Variants in PMFBP1 observed in about 807,000 individuals in gnomAD.
The protein encoded by PMFBP1 is polyamine-modulated factor 1-binding protein 1.
Under a neutral mutation model 137.8 loss-of-function variants are expected in PMFBP1, and 131 were observed. That is an observed-to-expected ratio of 0.95 (90% CI 0.82 to 1.10). The LOEUF is 1.10. Ranked by LOEUF, PMFBP1 falls within the 50% of genes least tolerant of loss-of-function variation. The pLI is 0.00. For missense variants in PMFBP1, 1,199 were observed against 1,175.4 expected (o/e 1.02, Z -0.29); for synonymous variants, 490 against 450.4 (o/e 1.09, Z -1.11).
At chr16:72,205,978 G>A in the PMFBP1 span, among the ~76,000 whole-genome samples, 1 of 152,116 alleles carries the variant, frequency 6.6e-6, no homozygotes, top group Non-Finnish European at 1.5e-5. Context: ...CACAGAGCCA[G>A]AAAGAAACCT....
the PMFBP1 span, among the ~76,000 whole-genome samples, chr16:72,239,567 G>A: frequency 6.6e-6 from 1 of 152,020 alleles, no homozygotes; most frequent in Non-Finnish European, 1.5e-5. Flanking sequence ...AATCATGTCT[G>A]GTTTATCATT....
In PMFBP1 at chr16:72,164,640, C is replaced by A. The variant is rs929101543; in HGVS notation, c.165+124G>T. Reference sequence around the variant, plus strand: ...GTGTGTTTAATTCTCTTAATTCTCTCTCATTGCTTGCTTAATAAGTACTCC... The same window carrying A: ...GTGTGTTTAATTCTCTTAATTCTCTATCATTGCTTGCTTAATAAGTACTCC... On this transcript the variant is annotated intron_variant, in intron 3 of 20. Transcript: ENST00000237353. 5.3e-6 allele frequency: 7 copies of A among 1,324,956 alleles called. No individual in the cohort carries two copies. The African/African-American group carries it at 1.0e-4, about 19-fold the overall frequency. 82.1% of individuals were successfully genotyped at this position (1,324,956 alleles called of 1,614,324 possible).
At chr16:72,230,465 T>C in the PMFBP1 span, among the ~76,000 whole-genome samples, 1 of 152,188 alleles carries the variant, frequency 6.6e-6, no homozygotes, top group Non-Finnish European at 1.5e-5. Context: ...AGCCCAGAAC[T>C]TTCTCCTGAG....
the PMFBP1 span, among the ~76,000 whole-genome samples, chr16:72,196,425 C>T: frequency 1.3e-5 from 2 of 152,122 alleles, no homozygotes; most frequent in Non-Finnish European, 2.9e-5. Flanking sequence ...TTGACGCTGC[C>T]TCCCCCAACC....
the PMFBP1 span, among the ~76,000 whole-genome samples, chr16:72,192,301 T>TC: frequency 6.6e-6 from 1 of 152,180 alleles, no homozygotes; most frequent in South Asian, 2.1e-4. Context: ...ACACATTTCC[T>TC]CAGGTATTTT....
the PMFBP1 span, among the ~76,000 whole-genome samples, chr16:72,214,456 TGAGCCACTGCGTG>T: frequency 1.3e-5 from 2 of 152,154 alleles, no homozygotes; most frequent in African/African-American, 2.4e-5. Context: ...ATTACAGGCG[TGAGCCACTGCGTG>T]GAGCCACTGC....
the PMFBP1 span, among the ~76,000 whole-genome samples, chr16:72,206,998 A>G: frequency 2.6e-5 from 4 of 152,200 alleles, no homozygotes; most frequent in African/African-American, 7.2e-5. Flanking sequence ...TGTGGCTCCA[A>G]TGGCCTGGAG....
At chr16:72,215,944 T>C in the PMFBP1 span, among the ~76,000 whole-genome samples, 19 of 152,252 alleles carry the variant, frequency 1.2e-4, no homozygotes, top group Non-Finnish European at 1.8e-4. Context: ...ATATAGATGC[T>C]ACTGTTCACC....
the PMFBP1 span, among the ~76,000 whole-genome samples, chr16:72,243,955 G>A: frequency 1.2e-4 from 18 of 152,102 alleles, no homozygotes; most frequent in African/African-American, 3.6e-4. Context: ...CTTCGACTTC[G>A]TTAACAAACA....
intron 7 of PMFBP1, among the ~76,000 whole-genome samples, chr16:72,137,526 G>A (rs1000792398): frequency 6.6e-6 from 1 of 152,192 alleles, no homozygotes; most frequent in Admixed American, 6.5e-5. Context: ...TCCCAGCTGA[G>A]ACTTGCTGGA....
chr16:72,143,700 C>T (rs1048406906), intron 5 of PMFBP1, among the ~76,000 whole-genome samples: 13 of 148,376 alleles, frequency 8.8e-5, no homozygotes, highest in Non-Finnish European at 7.5e-5. Context: ...CAGAGATTGC[C>T]TCACTGCACT....
the PMFBP1 span, among the ~76,000 whole-genome samples, chr16:72,240,912 T>TGA: frequency 0.031 from 4,591 of 148,448 alleles, 225 homozygotes; most frequent in African/African-American, 0.11. Flanking sequence ...GGTGTGTGTG[T>TGA]GAGAGAGAGA....
the PMFBP1 span, chr16:72,224,637 T>A: frequency 6.6e-6 from 1 of 152,650 alleles, no homozygotes; most frequent in Non-Finnish European, 1.5e-5. Context: ...AATTTTAACC[T>A]CTTCTTCAAA....
the PMFBP1 span, among the ~76,000 whole-genome samples, chr16:72,182,645 T>G: frequency 1.3e-5 from 2 of 152,128 alleles, no homozygotes; most frequent in African/African-American, 2.4e-5. Flanking sequence ...CAGTATGCAT[T>G]GGGTGAAGCA....
chr16:72,170,504 A>T (rs1406226144), intron 2 of PMFBP1, among the ~76,000 whole-genome samples: 1 of 152,140 alleles, frequency 6.6e-6, no homozygotes, highest in Non-Finnish European at 1.5e-5. Flanking sequence ...ATCATGGCTC[A>T]CTGCAGCTTC....
chr16:72,150,549 G>A, intron 5 of PMFBP1, 59 bp downstream of exon 5: 1 of 1,542,884 alleles, frequency 6.5e-7, no homozygotes, highest in Admixed American at 1.7e-5. Flanking sequence ...GACTGTCTGA[G>A]GGGACCACCT....
rs1398255505 is a variant in PMFBP1 at position 72,124,678 on chromosome 16, C to T, written c.2589+89G>A. Reference sequence around the variant, plus strand: ...TTCCTTTGCTCCCAGGCTCTCCCACCCCCACCAAGGGCTGTCTGGCATTTG... The same window carrying T: ...TTCCTTTGCTCCCAGGCTCTCCCACTCCCACCAAGGGCTGTCTGGCATTTG... On this transcript the variant is annotated intron_variant, in intron 17 of 20. Transcript: ENST00000237353. The T allele has an allele frequency of 2.7e-6, 4 of 1,488,126 alleles. No individual in the cohort carries two copies. In the East Asian group the frequency reaches 9.1e-5, roughly 34 times the overall value. The allele number at this position is 1,488,126 out of a possible 1,614,324, so 92.2% of individuals were successfully genotyped here.
Position 72,164,760 on chromosome 16 carries a change from T to G in PMFBP1, c.165+4A>C. 1 of 1,585,236 alleles carries G rather than the reference T, an allele frequency of 6.3e-7. No homozygotes were observed. Among genetic ancestry groups the G allele is most frequent in the East Asian group, 2.3e-5 (1 of 44,204 alleles). ...GGGTGAGCGGCTGCTGCCAAGTCCC[T>G]TACGTGGCTGCTGTTCATTGCCTCC... On this transcript the variant is annotated splice_donor_region_variant and intron_variant, in intron 3 of 20. Transcript: ENST00000237353.
intron 4 of PMFBP1, among the ~76,000 whole-genome samples, chr16:72,153,950 AC>A (rs2042942141): frequency 6.7e-6 from 1 of 150,246 alleles, no homozygotes; most frequent in African/African-American, 2.5e-5. Flanking sequence ...ACACACACAC[AC>A]ACACACACAC....
Sources: allele counts gnomAD v4.1 joint callset (sites outside exome capture counted in the v4.1 genomes callset), GRCh38; gene constraint gnomAD v4.1.1; transcripts MANE v1.5; gene names NCBI Gene and HGNC (gene_info 2026-07-23, HGNC 2026-07-21).